The following DISC1 variants were observed in gnomAD, a reference collection of about 807,000 sequenced individuals.
The protein encoded by DISC1 is disrupted in schizophrenia 1 protein.
A neutral mutation model predicts 84.5 loss-of-function variants in DISC1; 57 were observed. That is an observed-to-expected ratio of 0.67 (90% CI 0.55 to 0.84). DISC1 has a LOEUF of 0.84. DISC1 is among the 40% of genes least tolerant of loss of function. The pLI, the probability that DISC1 is intolerant of heterozygous loss-of-function variation, is 0.00. For synonymous variants in DISC1, 411 were observed against 415.2 expected, an observed-to-expected ratio of 0.99 and a Z score of 0.12; for missense variants, 1,000 against 1,057.8, an observed-to-expected ratio of 0.95 and a Z score of 0.76.
rs1189175961 is a variant in DISC1, at chr1:232,039,070, A to G, written c.*2239A>G. The G allele has an allele frequency of 2.6e-5, 4 of 152,238 alleles. No homozygotes were observed. Among genetic ancestry groups the G allele is most frequent in the Non-Finnish European group, 5.9e-5 (4 of 68,036 alleles). 9.4% of individuals were successfully genotyped at this position (152,238 alleles called of 1,614,324 possible). A position where few individuals can be genotyped will look rare whatever the true frequency, so the allele number is the denominator to read the frequency against. On this transcript the variant is annotated 3_prime_UTR_variant, in exon 13 of 13. Coordinates refer to ENST00000439617, the MANE Select transcript of DISC1 (RefSeq NM_018662.3). ...AAAATACACTCTACATATTTTAATA[A>G]TAAGTATAATTAGCTTGTTCCTGGA...
rs372017406 is a variant in DISC1 at position 231,642,268 on chromosome 1, G to A, written c.67+15334G>A. The stretch of plus-strand genomic sequence containing the variant: ...CCCGCAAGCACCGCGCGCAGCCCCC[G>A]GTTCCCGCCCGCGCCTCTCCCTCCA... On this transcript the variant is annotated intron_variant, in intron 1 of 12. Coordinates refer to ENST00000439617, the MANE Select transcript of DISC1 (RefSeq NM_018662.3). 6.6e-5 allele frequency among the ~76,000 whole-genome samples: 10 copies of A among 152,318 alleles called. No homozygotes were observed. The East Asian group carries it at 1.9e-3, about 29-fold the overall frequency.
chr1:231,845,303 G>C (rs1047239558), intron 9 of DISC1, among the ~76,000 whole-genome samples: 3 of 152,318 alleles, frequency 2.0e-5, no homozygotes, highest in African/African-American at 7.2e-5. Context: ...CCACATCCTG[G>C]TGCCAGCTCT....
At chr1:231,829,082 C>A (rs999273539) in intron 9 of DISC1, among the ~76,000 whole-genome samples, 2 of 152,142 alleles carry the variant, frequency 1.3e-5, no homozygotes, top group African/African-American at 4.8e-5. Flanking sequence ...TACTTAACTA[C>A]CTCCTTATTC....
chr1:232,016,279 T>TA, intron 11 of DISC1, among the ~76,000 whole-genome samples: 1 of 152,346 alleles, frequency 6.6e-6, no homozygotes, highest in East Asian at 1.9e-4. Context: ...AGTTTCCCTT[T>TA]ACAGTTCAAT....
chr1:231,845,837 C>G (rs2083412793), intron 9 of DISC1, among the ~76,000 whole-genome samples: 1 of 151,984 alleles, frequency 6.6e-6, no homozygotes, highest in Non-Finnish European at 1.5e-5. Flanking sequence ...TGGCTGGGAG[C>G]TTGGTGGCTC....
intron 1 of DISC1, among the ~76,000 whole-genome samples, chr1:231,665,832 G>C (rs538871678): frequency 6.6e-6 from 1 of 152,254 alleles, no homozygotes; most frequent in South Asian, 2.1e-4. Flanking sequence ...TTACCCTCCT[G>C]ATGATTTCTG....
At chr1:232,027,895 A>G (rs199809163) in intron 12 of DISC1, among the ~76,000 whole-genome samples, 22 of 152,128 alleles carry the variant, frequency 1.4e-4, no homozygotes, top group Non-Finnish European at 2.4e-4. Flanking sequence ...TGATTTAATG[A>G]TAGAGCCAAT....
chr1:231,696,090 C>T (rs1408737788), intron 2 of DISC1, among the ~76,000 whole-genome samples: 2 of 152,168 alleles, frequency 1.3e-5, no homozygotes, highest in African/African-American at 4.8e-5. Flanking sequence ...TAGAATCTAT[C>T]CAGTTTCTTA....
chr1:231,661,380 A>G (rs878975072), intron 1 of DISC1, among the ~76,000 whole-genome samples: 2 of 152,090 alleles, frequency 1.3e-5, no homozygotes, highest in East Asian at 1.9e-4. Flanking sequence ...AGGTATCCCA[A>G]TCAGTTGGAG....
At chr1:231,729,865 C>T (rs2125167654) in intron 3 of DISC1, among the ~76,000 whole-genome samples, 1 of 152,164 alleles carries the variant, frequency 6.6e-6, no homozygotes, top group East Asian at 1.9e-4. Flanking sequence ...TTGTCCATTC[C>T]AGAAAGGGAT....
intron 8 of DISC1, among the ~76,000 whole-genome samples, chr1:231,817,394 C>G (rs115785539): frequency 3.3e-5 from 5 of 152,086 alleles, no homozygotes; most frequent in African/African-American, 1.2e-4. Flanking sequence ...CACTCTTAGA[C>G]GTTTTAGAAT....
chr1:231,753,875 T>C (rs1333383284), intron 4 of DISC1, among the ~76,000 whole-genome samples: 1 of 152,174 alleles, frequency 6.6e-6, no homozygotes, highest in Non-Finnish European at 1.5e-5. Flanking sequence ...CCCTAAATCA[T>C]TAATCTCAAG....
intron 2 of DISC1, among the ~76,000 whole-genome samples, chr1:231,696,131 C>T (rs1473755358): frequency 1.3e-5 from 2 of 152,222 alleles, no homozygotes; most frequent in Non-Finnish European, 2.9e-5. Flanking sequence ...TTCCACACCT[C>T]CCTCTCCCTT....
chr1:231,866,608 T>A (rs2085078344), intron 9 of DISC1: 2 of 1,537,044 alleles, frequency 1.3e-6, no homozygotes, highest in Non-Finnish European at 9.0e-7. Flanking sequence ...GCACTGTGAT[T>A]TGAACCCAGA....
At chr1:231,763,759 A>C (rs1205427706) in intron 4 of DISC1, among the ~76,000 whole-genome samples, 1 of 152,120 alleles carries the variant, frequency 6.6e-6, no homozygotes, top group Non-Finnish European at 1.5e-5. Context: ...CCATTTCTTC[A>C]TTGCTTTGTA....
intron 3 of DISC1, among the ~76,000 whole-genome samples, chr1:231,744,950 G>A (rs2073800676): frequency 6.6e-6 from 1 of 151,980 alleles, no homozygotes; most frequent in Non-Finnish European, 1.5e-5. Flanking sequence ...AGAGATCCTC[G>A]TTAATAATGA....
intron 10 of DISC1, among the ~76,000 whole-genome samples, chr1:231,969,594 CTTTCT>C (rs1448800147): frequency 2.7e-4 from 21 of 78,912 alleles, no homozygotes; most frequent in South Asian, 4.0e-4. Context: ...TTCTTTCTTT[CTTTCT>C]TTTTTTTTTT....
At chr1:231,886,218 A>C (rs1034847768) in intron 9 of DISC1, among the ~76,000 whole-genome samples, 2 of 152,142 alleles carry the variant, frequency 1.3e-5, no homozygotes, top group African/African-American at 4.8e-5. Context: ...CAACACATTA[A>C]CTTTGGGGAC....
chr1:231,872,165 A>G (rs2085511134), intron 9 of DISC1, among the ~76,000 whole-genome samples: 1 of 152,222 alleles, frequency 6.6e-6, no homozygotes, highest in Admixed American at 6.5e-5. Flanking sequence ...CTATATCTCA[A>G]AAATGAGAAC....
Sources: gnomAD v4.1 joint callset for allele counts (sites outside exome capture counted in the v4.1 genomes callset) on GRCh38, gnomAD v4.1.1 for gene constraint, MANE v1.5 for transcripts, NCBI Gene and HGNC (gene_info 2026-07-23, HGNC 2026-07-21) for gene names.